RNF10: variants seen among roughly 807,000 people sequenced by gnomAD.
The protein encoded by RNF10 is ring finger protein 10.
Under a neutral mutation model 91.4 loss-of-function variants are expected in RNF10, and 38 were observed. The ratio of observed to expected loss-of-function variants is 0.42; its 90% CI spans 0.32 to 0.54. RNF10 has a LOEUF of 0.54. Among genes scored for constraint, RNF10 ranks in the 20% least tolerant of loss-of-function variants. RNF10 has a pLI of 0.16. For synonymous variants in RNF10, 364 were observed against 366.3 expected (o/e 0.99, Z 0.07); for missense variants, 945 against 1,012.0 (o/e 0.93, Z 0.90).
chr12:120,559,935 G>A (rs1023877787), intron 6 of RNF10, among the ~76,000 whole-genome samples: 2 of 151,724 alleles, frequency 1.3e-5, no homozygotes, highest in African/African-American at 2.4e-5. Flanking sequence ...AACTTCAGGT[G>A]ATCCACCTGC....
chr12:120,577,184 G>GTTTT lies in RNF10; in HGVS notation c.*526_*529dup. 2 of 415,274 alleles carry GTTTT rather than the reference G, an allele frequency of 4.8e-6. No individual in the cohort carries two copies. Among genetic ancestry groups the GTTTT allele is most frequent in the Non-Finnish European group, 9.6e-6 (2 of 207,748 alleles). The allele number at this position is 415,274 out of a possible 1,614,324, so 25.7% of individuals were successfully genotyped here. On this transcript the variant is annotated 3_prime_UTR_variant, in exon 17 of 17. Transcript: ENST00000325954. ...TTTAGGACACCCAGTTTGAATTGCA[G>GTTTT]TTTTTTTTTTTCTGACACATGGCCA...
chr12:120,538,069 A>G (rs368050444), intron 1 of RNF10, among the ~76,000 whole-genome samples: 4 of 152,350 alleles, frequency 2.6e-5, no homozygotes, highest in African/African-American at 9.6e-5. Context: ...AGATTTCTGC[A>G]GTATCTCATA....
chr12:120,567,065 T>TC, intron 13 of RNF10, 85 bp downstream of exon 13: 1 of 1,357,400 alleles, frequency 7.4e-7, no homozygotes, highest in Non-Finnish European at 1.0e-6. Context: ...CCCGGCCCAC[T>TC]CAGCATGGTG....
intron 2 of RNF10, among the ~76,000 whole-genome samples, chr12:120,550,943 A>C (rs889426923): frequency 1.3e-5 from 2 of 151,858 alleles, no homozygotes; most frequent in Non-Finnish European, 1.5e-5. Context: ...TAAAAAAGGA[A>C]GTTATCTGAC....
chr12:120,568,978 T>C (rs1437857726), intron 13 of RNF10, among the ~76,000 whole-genome samples: 1 of 151,986 alleles, frequency 6.6e-6, no homozygotes, highest in Non-Finnish European at 1.5e-5. Context: ...TGTTTTGTTT[T>C]GTTTTGTTTT....
At chr12:120,557,227 A>G (rs1168158923) in intron 4 of RNF10, 55 bp from the exon 5 acceptor site, 1 of 1,556,800 alleles carries the variant, frequency 6.4e-7, no homozygotes. Context: ...TAAAACTTTG[A>G]CAGTCCCTAA....
intron 1 of RNF10, among the ~76,000 whole-genome samples, chr12:120,536,123 AAAAC>A (rs1357198599): frequency 6.6e-6 from 1 of 152,174 alleles, no homozygotes; most frequent in Non-Finnish European, 1.5e-5. Flanking sequence ...CAAGATTAAA[AAAAC>A]TGTTTAGAGT....
chr12:120,571,117 GCT>G (rs1876558045), intron 13 of RNF10, 72 bp from the exon 14 acceptor site: 2 of 934,070 alleles, frequency 2.1e-6, no homozygotes, highest in Middle Eastern at 2.1e-4. Context: ...CTGACTCAGG[GCT>G]CACTCATCTC....
At position 120,538,032 on chromosome 12, in the gene RNF10, A is replaced by G. The variant is rs73225250; in HGVS notation, c.157+3064A>G. Reference sequence around the variant, plus strand: ...GATGGTTGCTCTAACAAAAGGGTACACTCAAGCTCCGCATAATCCCATAAA... The same window carrying G: ...GATGGTTGCTCTAACAAAAGGGTACGCTCAAGCTCCGCATAATCCCATAAA... On this transcript the variant is annotated intron_variant, in intron 1 of 16. Coordinates refer to ENST00000325954, the MANE Select transcript of RNF10 (RefSeq NM_014868.5). Among the ~76,000 whole-genome samples the G allele has an allele frequency of 7.0e-3, 1,068 of 152,248 alleles. 9 individuals are homozygous for G. The highest frequency in any genetic ancestry group is 9.5e-3 in the Non-Finnish European group (645 of 68,018).
rs941471792 is a variant in RNF10 at position 120,546,021 on chromosome 12, C to G, written c.158-384C>G. Among the ~76,000 whole-genome samples the G allele has an allele frequency of 2.0e-4, 30 of 152,222 alleles. 1 individual carries two copies. Among genetic ancestry groups the G allele is most frequent in the Non-Finnish European group, 1.5e-5 (1 of 68,034 alleles). On this transcript the variant is annotated intron_variant, in intron 1 of 16. Coordinates refer to ENST00000325954, the MANE Select transcript of RNF10 (RefSeq NM_014868.5). ...ATGTTATAGTAATTTAAAAAGGAAT[C>G]TCTTCTGTCCTGTTACCAGGTAAAA... is the stretch of plus-strand genomic sequence containing the variant.
chr12:120,550,942 A>C (rs192238144), intron 2 of RNF10, among the ~76,000 whole-genome samples: 1 of 152,086 alleles, frequency 6.6e-6, no homozygotes, highest in African/African-American at 2.4e-5. Flanking sequence ...ATAAAAAAGG[A>C]AGTTATCTGA....
Position 120,571,271 on chromosome 12 carries a change from C to A in RNF10, c.2122C>A (p.Pro708Thr). Residue 708 changes from proline (P) to threonine (T), a missense_variant, in exon 14 of 17, where the codon CCC becomes ACC. By Grantham distance (38) the Pro-to-Thr change is conservative. Transcript: ENST00000325954. ...CGTTGGGAGTCTGGAAGAAGACTCT[C>A]CCTTCCCTTCCTTTGCCCAGGTAAA... is the stretch of plus-strand genomic sequence containing the variant. ...FCVGSLEEDS[P>T]FPSFAQMLRV... 6.2e-7 allele frequency: 1 copy of A among 1,613,358 alleles called. No individual in the cohort carries two copies. Among genetic ancestry groups the A allele is most frequent in the Non-Finnish European group, 8.5e-7 (1 of 1,179,332 alleles).
chr12:120,553,828 T>C (rs1873551330), intron 3 of RNF10: 1 of 152,202 alleles, frequency 6.6e-6, no homozygotes. Flanking sequence ...GATTTGACTT[T>C]GGATCTAGAC....
intron 1 of RNF10, among the ~76,000 whole-genome samples, chr12:120,536,817 A>C (rs577070937): frequency 6.6e-6 from 1 of 152,308 alleles, no homozygotes; most frequent in Non-Finnish European, 1.5e-5. Flanking sequence ...CTCCTCTTTA[A>C]GCCACTAACA....
Position 120,557,408 on chromosome 12 carries a change from A to G in RNF10, c.772A>G (p.Lys258Glu), listed in dbSNP as rs759679089. The change falls in exon 5 of 17, where the codon AAG becomes GAG. Residue 258 changes from lysine (K) to glutamate (E), a missense_variant. Coordinates refer to ENST00000325954, the MANE Select transcript of RNF10 (RefSeq NM_014868.5). ...CCTGCACTATCTTTCACTGAGTGAG[A>G]AGACGTGGAGTAAATGTCCCATCTG... is the stretch of plus-strand genomic sequence containing the variant. ...CILHYLSLSE[K>E]TWSKCPICYS... 1 of 1,614,196 alleles carries G rather than the reference A, an allele frequency of 6.2e-7. No individual in the cohort carries two copies.
intron 1 of RNF10, among the ~76,000 whole-genome samples, chr12:120,545,378 G>A (rs1177627458): frequency 7.3e-6 from 1 of 137,668 alleles, no homozygotes; most frequent in Non-Finnish European, 1.6e-5. Flanking sequence ...ATTTTTAGTA[G>A]AGACAGGATT....
chr12:120,539,462 A>G, intron 1 of RNF10: 1 of 1,281,432 alleles, frequency 7.8e-7, no homozygotes. Context: ...ACTACTCTGG[A>G]TGATGGGTAA....
intron 1 of RNF10, among the ~76,000 whole-genome samples, chr12:120,541,326 A>T (rs1871527999): frequency 6.6e-6 from 1 of 151,990 alleles, no homozygotes; most frequent in Non-Finnish European, 1.5e-5. Context: ...TTCTTTATAT[A>T]CCTATCCTCG....
rs374761306 is a variant in RNF10, at chr12:120,565,226, G to A, written c.1783+37G>A. 10 of 1,432,024 alleles carry A rather than the reference G, an allele frequency of 7.0e-6. No homozygotes were observed. The African/African-American group carries it at 8.4e-5, about 12-fold the overall frequency. The allele number at this position is 1,432,024 out of a possible 1,614,324, so 88.7% of individuals were successfully genotyped here. On this transcript the variant is annotated intron_variant, in intron 11 of 16. Transcript: ENST00000325954. The stretch of plus-strand genomic sequence containing the variant: ...CCTGCTCTGCTTCTCTTTATAGTAG[G>A]GTTCAGGGATTCTTGTGGCTAGACA...
Sources: allele counts gnomAD v4.1 joint callset (sites outside exome capture counted in the v4.1 genomes callset), GRCh38; gene constraint gnomAD v4.1.1; transcripts MANE v1.5; gene names NCBI Gene and HGNC (gene_info 2026-07-23, HGNC 2026-07-21).